The following DMXL2 variants were observed in gnomAD, a reference collection of about 807,000 sequenced individuals.
DMXL2 encodes dmX-like protein 2.
DMXL2 carries 103 observed loss-of-function variants against 331.1 expected under a neutral mutation model. The ratio of observed to expected loss-of-function variants is 0.31; its 90% CI spans 0.27 to 0.37. The LOEUF (loss-of-function observed/expected upper bound fraction) is 0.37. DMXL2 is among the 10% of genes least tolerant of loss of function. The pLI is 1.00. For synonymous variants in DMXL2, 1,281 were observed against 1,252.1 expected, an observed-to-expected ratio of 1.02 and a Z score of -0.49; for missense variants, 3,171 against 3,642.9, an observed-to-expected ratio of 0.87 and a Z score of 3.33.
intron 1 of DMXL2, among the ~76,000 whole-genome samples, chr15:51,593,863 C>T (rs777395777): frequency 2.0e-5 from 3 of 152,180 alleles, no homozygotes; most frequent in Non-Finnish European, 4.4e-5. Context: ...TTCTTTGAAA[C>T]CAATGAGAAC....
intron 4 of DMXL2, 62 bp downstream of exon 4, chr15:51,565,026 T>C: frequency 1.0e-6 from 1 of 973,096 alleles, no homozygotes. Context: ...TATATCACAT[T>C]ATTATCATAC....
At chr15:51,513,501 C>T (rs535722656) in intron 15 of DMXL2, among the ~76,000 whole-genome samples, 13 of 152,258 alleles carry the variant, frequency 8.5e-5, no homozygotes, top group East Asian at 3.9e-4. Flanking sequence ...ACTAGTCTGA[C>T]GAGTGAAAAG....
At chr15:51,466,392 T>C (rs2040577854) in intron 29 of DMXL2, 81 bp from the exon 30 acceptor site, 1 of 436,604 alleles carries the variant, frequency 2.3e-6, no homozygotes, top group Non-Finnish European at 3.3e-6. Flanking sequence ...ACATGTATTA[T>C]ATATTTAATA....
At chr15:51,617,246 A>G (rs1230934224) in intron 1 of DMXL2, among the ~76,000 whole-genome samples, 1 of 152,218 alleles carries the variant, frequency 6.6e-6, no homozygotes, top group African/African-American at 2.4e-5. Flanking sequence ...AACAGAAACT[A>G]AAATAAAGGC....
intron 1 of DMXL2, among the ~76,000 whole-genome samples, chr15:51,614,621 A>G (rs1456496041): frequency 6.6e-6 from 1 of 152,190 alleles, no homozygotes; most frequent in African/African-American, 2.4e-5. Flanking sequence ...AAGTATTATA[A>G]AAAAATAGCC....
intron 26 of DMXL2, among the ~76,000 whole-genome samples, chr15:51,477,269 G>A (rs936100518): frequency 4.6e-5 from 7 of 151,836 alleles, no homozygotes; most frequent in Non-Finnish European, 8.8e-5. Context: ...TGTGAAGTTG[G>A]GGAAAATATA....
At chr15:51,622,330 A>G (rs1043142174) in intron 1 of DMXL2, 129 bp downstream of exon 1, 1 of 1,261,600 alleles carries the variant, frequency 7.9e-7, no homozygotes, top group Non-Finnish European at 1.1e-6. Context: ...CCAAGGCTGC[A>G]AAGGGGCCAC....
In DMXL2 at chr15:51,545,438, A is replaced by C. The variant is rs533380538; in HGVS notation, c.930+145T>G. ...TGGCTTCTTAGTGGAATAAATGAGT[A>C]GTCTTACAAGCATAAATGAGAGTTT... On this transcript the variant is annotated intron_variant, in intron 8 of 43. Coordinates refer to ENST00000560891, the MANE Select transcript of DMXL2 (RefSeq NM_001378457.1). 3 of 551,912 alleles carry C rather than the reference A, an allele frequency of 5.4e-6. No homozygotes were observed. The East Asian group carries it at 8.8e-5, about 16-fold the overall frequency. 34.2% of individuals were successfully genotyped at this position (551,912 alleles called of 1,614,324 possible).
intron 37 of DMXL2, 28 bp from the exon 38 acceptor site, chr15:51,456,397 T>A: frequency 7.2e-7 from 1 of 1,381,122 alleles, no homozygotes; most frequent in Non-Finnish European, 1.0e-6. Context: ...AAAAATTTTA[T>A]TTTGTGTATG....
Position 51,486,211 on chromosome 15 carries a change from C to T in DMXL2, c.5344G>A (p.Asp1782Asn). The change falls in exon 23 of 44, where the codon GAT (aspartate) becomes AAT (asparagine). Residue 1782 changes from aspartate to asparagine, a missense_variant. By Grantham distance (23) the Asp-to-Asn change is conservative. Coordinates refer to ENST00000560891, the MANE Select transcript of DMXL2 (RefSeq NM_001378457.1). ...LNQKILGCQKDGSGFSCKRLH... is the reference protein window; with the variant it reads ...LNQKILGCQKNGSGFSCKRLH... ...CTTTTGCAACTGAATCCTGAGCCAT[C>T]CTTTTGGCAACCCAAAATCTTCTGA... The T allele has an allele frequency of 6.2e-7, 1 of 1,614,024 alleles. No individual in the cohort carries two copies. The highest frequency in any genetic ancestry group is 1.1e-5 in the South Asian group (1 of 91,072).
At chr15:51,506,450 C>CTTTTTTTTTT (rs531570148) in intron 16 of DMXL2, among the ~76,000 whole-genome samples, 1 of 121,956 alleles carries the variant, frequency 8.2e-6, no homozygotes, top group Non-Finnish European at 1.7e-5. Context: ...AGCAATTCTG[C>CTTTTTTTTTT]TTTTTTTTTT....
intron 3 of DMXL2, among the ~76,000 whole-genome samples, chr15:51,565,990 T>C (rs1039339167): frequency 6.6e-6 from 1 of 152,108 alleles, no homozygotes; most frequent in Admixed American, 6.6e-5. Flanking sequence ...GGAGGATTGC[T>C]TAAGGCCAGG....
chr15:51,455,061 G>A (rs1276741703), intron 40 of DMXL2, 90 bp downstream of exon 40: 83 of 1,041,760 alleles, frequency 8.0e-5, no homozygotes, highest in Non-Finnish European at 7.8e-5. Flanking sequence ...TTTCCCAATA[G>A]GACCACCAAT....
chr15:51,536,907 T>G (rs1315209353), intron 11 of DMXL2, 45 bp from the exon 12 acceptor site: 17 of 1,463,714 alleles, frequency 1.2e-5, no homozygotes, highest in Non-Finnish European at 1.3e-5. Context: ...GTTTACCTCC[T>G]CTCAAAAAAA....
At chr15:51,545,973 C>T (rs2048867506) in intron 7 of DMXL2, among the ~76,000 whole-genome samples, 1 of 152,176 alleles carries the variant, frequency 6.6e-6, no homozygotes, top group African/African-American at 2.4e-5. Flanking sequence ...ACAGAAATTA[C>T]TGCCAGATTA....
chr15:51,622,357 C>T lies in DMXL2; in HGVS notation c.87+102G>A, dbSNP rs996867283. 7.4e-6 allele frequency: 11 copies of T among 1,478,598 alleles called. No individual in the cohort carries two copies. The African/African-American group carries it at 1.4e-4, about 19-fold the overall frequency. The allele number at this position is 1,478,598 out of a possible 1,614,324, so 91.6% of individuals were successfully genotyped here. On this transcript the variant is annotated intron_variant, in intron 1 of 43. Transcript: ENST00000560891. ...AGGGGCCACGGGTGGGGCCCACCAACATCTCACAGCCTCCTGAGGAGGCGT... is the reference window on the plus strand; with the variant it reads ...AGGGGCCACGGGTGGGGCCCACCAATATCTCACAGCCTCCTGAGGAGGCGT...
At chr15:51,482,622 G>C (rs1353062544) in intron 23 of DMXL2, among the ~76,000 whole-genome samples, 2 of 152,190 alleles carry the variant, frequency 1.3e-5, no homozygotes, top group Non-Finnish European at 2.9e-5. Flanking sequence ...GAATGCTTTG[G>C]AGGAATGGTC....
intron 39 of DMXL2, 97 bp from the exon 40 acceptor site, chr15:51,455,325 C>T: frequency 2.1e-6 from 2 of 970,358 alleles, no homozygotes; most frequent in African/African-American, 1.6e-5. Flanking sequence ...ACTAAATAAA[C>T]ATTCTGCCTC....
intron 6 of DMXL2, among the ~76,000 whole-genome samples, chr15:51,560,168 A>T (rs1264979642): frequency 6.6e-6 from 1 of 152,220 alleles, no homozygotes; most frequent in Non-Finnish European, 1.5e-5. Context: ...CTTTTATAGC[A>T]TCACAGTAAG....
Sources: gnomAD v4.1 joint callset for allele counts (sites outside exome capture counted in the v4.1 genomes callset) on GRCh38, gnomAD v4.1.1 for gene constraint, MANE v1.5 for transcripts, NCBI Gene and HGNC (gene_info 2026-07-23, HGNC 2026-07-21) for gene names.